Variants in MAGI3 observed in about 807,000 individuals in gnomAD.
The protein encoded by MAGI3 is membrane associated guanylate kinase, WW and PDZ domain containing 3.
MAGI3 carries 43 observed loss-of-function variants against 121.8 expected under a neutral mutation model. That is an observed-to-expected ratio of 0.35 (90% CI 0.28 to 0.46). MAGI3 has a LOEUF of 0.46. Ranked by LOEUF, MAGI3 falls within the 20% of genes least tolerant of loss-of-function variation. MAGI3 has a pLI of 1.00. For missense variants in MAGI3, 1,547 were observed against 1,797.3 expected, an observed-to-expected ratio of 0.86 and a Z score of 2.52; for synonymous variants, 553 against 639.3, an observed-to-expected ratio of 0.86 and a Z score of 2.04.
At chr1:113,521,922 G>C (rs1658219219) in intron 1 of MAGI3, among the ~76,000 whole-genome samples, 1 of 151,870 alleles carries the variant, frequency 6.6e-6, no homozygotes, top group African/African-American at 2.4e-5. Context: ...AATATAATGA[G>C]CTTGGAATTT....
intron 7 of MAGI3, chr1:113,618,729 C>A: frequency 4.0e-6 from 1 of 249,098 alleles, no homozygotes; most frequent in South Asian, 4.0e-5. Flanking sequence ...TGGTCTCTAT[C>A]TCTTGACCTC....
At chr1:113,610,075 A>G (rs892143082) in intron 6 of MAGI3, among the ~76,000 whole-genome samples, 1 of 151,494 alleles carries the variant, frequency 6.6e-6, no homozygotes, top group African/African-American at 2.4e-5. Flanking sequence ...GATCTTATAG[A>G]CTCTTTTTAG....
At chr1:113,527,327 G>A (rs1658499056) in intron 1 of MAGI3, among the ~76,000 whole-genome samples, 1 of 152,098 alleles carries the variant, frequency 6.6e-6, no homozygotes, top group Admixed American at 6.6e-5. Flanking sequence ...TCGCTCAATA[G>A]GCACATGAAT....
At chr1:113,610,526 C>G (rs1650056362) in intron 6 of MAGI3, among the ~76,000 whole-genome samples, 2 of 152,076 alleles carry the variant, frequency 1.3e-5, no homozygotes, top group Non-Finnish European at 2.9e-5. Flanking sequence ...TTTATCTGTA[C>G]CAGGATGTTC....
At chr1:113,446,494 A>G (rs994790027) in intron 1 of MAGI3, among the ~76,000 whole-genome samples, 2 of 152,222 alleles carry the variant, frequency 1.3e-5, no homozygotes, top group Non-Finnish European at 2.9e-5. Context: ...TATAAAGCAT[A>G]TAGAAAACAA....
intron 6 of MAGI3, among the ~76,000 whole-genome samples, chr1:113,607,022 T>C (rs921442103): frequency 1.3e-5 from 2 of 152,204 alleles, no homozygotes; most frequent in African/African-American, 4.8e-5. Context: ...TTTTATATTA[T>C]ATATTCCTTT....
intron 16 of MAGI3, among the ~76,000 whole-genome samples, chr1:113,671,169 A>C (rs1647530072): frequency 6.6e-6 from 1 of 152,176 alleles, no homozygotes; most frequent in South Asian, 2.1e-4. Flanking sequence ...TTGTGTTCTG[A>C]GAAAATGGAA....
Position 113,654,022 on chromosome 1 carries a change from A to C in MAGI3, c.2629+4A>C. 6.2e-7 allele frequency: 1 copy of C among 1,608,770 alleles called. No homozygotes were observed. The highest frequency in any genetic ancestry group is 1.1e-5 in the South Asian group (1 of 90,394). ...AAAAACAAACCACCTCCAGGAGGTA[A>C]GGGCTATTGTATCTTATTGTCTCTC... On this transcript the variant is annotated splice_donor_region_variant and intron_variant, in intron 15 of 20. Transcript: ENST00000307546.
At chr1:113,597,374 A>C (rs1056056006) in intron 6 of MAGI3, among the ~76,000 whole-genome samples, 1 of 152,222 alleles carries the variant, frequency 6.6e-6, no homozygotes, top group Non-Finnish European at 1.5e-5. Flanking sequence ...AAGACGTTTT[A>C]AAACTGGATT....
At chr1:113,570,337 T>C (rs755096678) in intron 2 of MAGI3, among the ~76,000 whole-genome samples, 3 of 152,194 alleles carry the variant, frequency 2.0e-5, no homozygotes, top group South Asian at 2.1e-4. Flanking sequence ...TTGTGAATAG[T>C]GCTGCAATAA....
intron 1 of MAGI3, among the ~76,000 whole-genome samples, chr1:113,516,741 A>C (rs1000221758): frequency 1.3e-5 from 2 of 152,172 alleles, no homozygotes; most frequent in South Asian, 4.1e-4. Context: ...CAAAGAGCAC[A>C]ATCAGTATAG....
intron 2 of MAGI3, among the ~76,000 whole-genome samples, chr1:113,571,256 C>T (rs865847646): frequency 2.6e-5 from 4 of 152,102 alleles, no homozygotes; most frequent in Non-Finnish European, 4.4e-5. Flanking sequence ...TTCTATGTAT[C>T]GGTTTTGGTA....
chr1:113,462,640 A>G (rs115548984), intron 1 of MAGI3, among the ~76,000 whole-genome samples: 212 of 152,262 alleles, frequency 1.4e-3, no homozygotes, highest in African/African-American at 5.1e-3. Context: ...TAATATGTAC[A>G]ACAGACCCCC....
At chr1:113,421,722 G>A (rs146349725) in intron 1 of MAGI3, among the ~76,000 whole-genome samples, 1 of 152,336 alleles carries the variant, frequency 6.6e-6, no homozygotes, top group Non-Finnish European at 1.5e-5. Flanking sequence ...TCTACAGCCA[G>A]TAGGAAGTAG....
chr1:113,659,605 C>G (rs1265803024), intron 16 of MAGI3, among the ~76,000 whole-genome samples: 1 of 152,100 alleles, frequency 6.6e-6, no homozygotes, highest in Non-Finnish European at 1.5e-5. Context: ...AGAGAAAATC[C>G]TTTAAACAGT....
intron 1 of MAGI3, among the ~76,000 whole-genome samples, chr1:113,419,273 G>A (rs1269677401): frequency 1.3e-5 from 2 of 152,024 alleles, no homozygotes; most frequent in African/African-American, 2.4e-5. Context: ...GTCATTTATC[G>A]AATCTACATT....
intron 2 of MAGI3, among the ~76,000 whole-genome samples, chr1:113,577,677 A>G (rs944137341): frequency 1.3e-5 from 2 of 152,300 alleles, no homozygotes; most frequent in Admixed American, 1.3e-4. Context: ...TTCTAGTCTT[A>G]GAAATATATG....
At chr1:113,672,806 A>T in intron 18 of MAGI3, 65 bp downstream of exon 18, 1 of 1,531,352 alleles carries the variant, frequency 6.5e-7, no homozygotes, top group South Asian at 1.2e-5. Flanking sequence ...GCATTGGTGA[A>T]TTTTTATTGC....
At chr1:113,525,973 G>A (rs1387809820) in intron 1 of MAGI3, among the ~76,000 whole-genome samples, 2 of 152,130 alleles carry the variant, frequency 1.3e-5, no homozygotes, top group Non-Finnish European at 2.9e-5. Context: ...CTGCACTCTA[G>A]CCTGGTGACA....
Sources: gnomAD v4.1 joint callset for allele counts (sites outside exome capture counted in the v4.1 genomes callset) on GRCh38, gnomAD v4.1.1 for gene constraint, MANE v1.5 for transcripts, NCBI Gene and HGNC (gene_info 2026-07-23, HGNC 2026-07-21) for gene names.